The following KIF1B variants were observed in gnomAD, a reference collection of about 807,000 sequenced individuals.
KIF1B encodes the protein kinesin family member 1B, also known as kinesin-like protein KIF1B.
KIF1B carries 76 observed loss-of-function variants against 241.9 expected under a neutral mutation model. The ratio of observed to expected loss-of-function variants is 0.31; its 90% confidence interval spans 0.26 to 0.38. The LOEUF (loss-of-function observed/expected upper bound fraction) is 0.38. Ranked by LOEUF, KIF1B falls within the 10% of genes least tolerant of loss-of-function variation. KIF1B has a pLI of 1.00. For synonymous variants in KIF1B, 750 were observed against 796.7 expected, an observed-to-expected ratio of 0.94 and a Z score of 0.99; for missense variants, 1,622 against 2,271.4, an observed-to-expected ratio of 0.71 and a Z score of 5.81.
At chr1:10,305,481 C>T in intron 22 of KIF1B, 1 of 1,059,404 alleles carries the variant, frequency 9.4e-7, no homozygotes, top group Non-Finnish European at 1.1e-6. Flanking sequence ...ACTTGTGTAG[C>T]TTGTAAGGAG....
intron 41 of KIF1B, 81 bp downstream of exon 41, chr1:10,363,425 C>G (rs1254524377): frequency 8.4e-7 from 1 of 1,191,646 alleles, no homozygotes; most frequent in African/African-American, 1.5e-5. Context: ...GGCACGGTGG[C>G]ACACACCTGT....
Position 10,326,142 on chromosome 1 carries a change from C to T in KIF1B, c.2707C>T (p.Arg903Cys), listed in dbSNP as rs868254486. 2.5e-6 allele frequency: 4 copies of T among 1,613,970 alleles called. No homozygotes were observed. Among genetic ancestry groups the T allele is most frequent in the Non-Finnish European group, 3.4e-6 (4 of 1,180,026 alleles). The change falls in exon 27 of 49, where the codon CGC (arginine) becomes TGC (cysteine). Residue 903 changes from arginine (R) to cysteine (C), a missense_variant. By Grantham distance (180) the Arg-to-Cys change is radical (BLOSUM62 -3). This residue lies in a region of KIF1B where 803 missense variants were observed against 1,112.0 expected (regional missense o/e 0.72). Transcript: ENST00000676179. The surrounding 1 kb of genome is among the most constrained non-coding windows in gnomAD (Gnocchi z 5.2). ...CATTTTCCACGGCTGTGTGAACGAG[C>T]GCCTTGCCGACCGCACACCCTCCCC... is the stretch of plus-strand genomic sequence containing the variant. The part of the protein sequence containing the change: ...SPIFHGCVNE[R>C]LADRTPSPTF...
At chr1:10,284,715 A>G (rs570549768) in intron 15 of KIF1B, among the ~76,000 whole-genome samples, 5 of 151,840 alleles carry the variant, frequency 3.3e-5, no homozygotes, top group African/African-American at 1.2e-4. Flanking sequence ...TAGAAAAATT[A>G]GCCGGCCATG....
chr1:10,349,223 G>A (rs1557729689), intron 37 of KIF1B, among the ~76,000 whole-genome samples: 1 of 152,086 alleles, frequency 6.6e-6, no homozygotes, highest in African/African-American at 2.4e-5. Context: ...TGGATTACTT[G>A]AGCCCAGGGG....
chr1:10,253,048 C>T (rs1647556850), intron 2 of KIF1B, among the ~76,000 whole-genome samples: 1 of 152,082 alleles, frequency 6.6e-6, no homozygotes, highest in African/African-American at 2.4e-5. Context: ...TTAAACAATG[C>T]CTACAGTGTG....
chr1:10,295,392 A>G (rs1650211169), intron 18 of KIF1B, among the ~76,000 whole-genome samples: 1 of 152,096 alleles, frequency 6.6e-6, no homozygotes, highest in Admixed American at 6.5e-5. Flanking sequence ...TCCTTTAACA[A>G]ATATACATTC....
At chr1:10,322,164 A>G (rs1363408013) in intron 24 of KIF1B, among the ~76,000 whole-genome samples, 1 of 152,114 alleles carries the variant, frequency 6.6e-6, no homozygotes, top group Non-Finnish European at 1.5e-5. Context: ...AATAATTTTA[A>G]TTTTCTTCCA....
At chr1:10,354,733 A>T (rs1652915287) in intron 38 of KIF1B, among the ~76,000 whole-genome samples, 1 of 152,232 alleles carries the variant, frequency 6.6e-6, no homozygotes, top group South Asian at 2.1e-4. Context: ...CTTCGGAGCG[A>T]AGTGTCTGGG....
At position 10,261,940 on chromosome 1, in the gene KIF1B, C is replaced by A; in HGVS notation, c.399C>A (p.Asn133Lys). Residue 133 changes from asparagine (N) to lysine (K), a missense_variant, in exon 5 of 49, where the codon AAC becomes AAA. By Grantham distance (94) the Asn-to-Lys change is moderately conservative. Coordinates refer to ENST00000676179, the MANE Select transcript of KIF1B (RefSeq NM_001365951.3). Reference protein sequence around the residue: ...CEELFEKINDNCNEEMSYSVE... With the variant: ...CEELFEKINDKCNEEMSYSVE... ...AACTTTTTGAGAAAATCAATGACAA[C>A]TGTAATGAAGAAATGTCTTACTCTG... The A allele has an allele frequency of 6.2e-7, 1 of 1,612,132 alleles. No homozygotes were observed.
At chr1:10,251,694 A>G (rs1393941064) in intron 2 of KIF1B, among the ~76,000 whole-genome samples, 1 of 151,430 alleles carries the variant, frequency 6.6e-6, no homozygotes, top group Admixed American at 6.6e-5. Context: ...AGATCCTACC[A>G]TTGCACTCCA....
At chr1:10,283,964 GA>G (rs1649560896) in intron 15 of KIF1B, among the ~76,000 whole-genome samples, 1 of 152,238 alleles carries the variant, frequency 6.6e-6, no homozygotes, top group African/African-American at 2.4e-5. Context: ...GAATATGTCA[GA>G]TGCTTTCATT....
At chr1:10,341,981 A>T in intron 32 of KIF1B, 69 bp from the exon 33 acceptor site, 1 of 1,046,996 alleles carries the variant, frequency 9.6e-7, no homozygotes, top group Non-Finnish European at 1.5e-6. Flanking sequence ...CAAAATACGT[A>T]CTAAAGTTCT....
intron 4 of KIF1B, 34 bp from the exon 5 acceptor site, chr1:10,261,871 T>C: frequency 7.0e-6 from 10 of 1,425,086 alleles, no homozygotes; most frequent in Non-Finnish European, 9.9e-6. Flanking sequence ...CTCTCATTTG[T>C]GCTCTTCATG....
At chr1:10,351,557 T>C (rs925605911) in intron 37 of KIF1B, among the ~76,000 whole-genome samples, 1 of 152,180 alleles carries the variant, frequency 6.6e-6, no homozygotes, top group East Asian at 1.9e-4. Flanking sequence ...TGGTAGGAGT[T>C]GGAACCCAGG....
intron 14 of KIF1B, among the ~76,000 whole-genome samples, chr1:10,280,490 T>A (rs1649356978): frequency 6.6e-6 from 1 of 152,146 alleles, no homozygotes; most frequent in African/African-American, 2.4e-5. Context: ...TGCCTTGGCC[T>A]CCCAAAGTGC....
chr1:10,347,311 T>C (rs1652624476), intron 35 of KIF1B, among the ~76,000 whole-genome samples: 1 of 152,238 alleles, frequency 6.6e-6, no homozygotes, highest in South Asian at 2.1e-4. Flanking sequence ...ATGTAGTTGT[T>C]AGTAGTGACA....
chr1:10,264,928 T>C (rs1648365986), intron 5 of KIF1B, among the ~76,000 whole-genome samples: 1 of 152,194 alleles, frequency 6.6e-6, no homozygotes. Flanking sequence ...CCCAAAGGGC[T>C]GGGATTATAG....
chr1:10,282,583 G>A (rs1456971254), intron 15 of KIF1B, 50 bp downstream of exon 15: 2 of 1,418,914 alleles, frequency 1.4e-6, no homozygotes, highest in Non-Finnish European at 2.0e-6. Context: ...AGCTCCACAA[G>A]GAAGAACTAG....
Position 10,337,639 on chromosome 1 carries a change from C to CA in KIF1B, c.3422+109dup. 8.1e-7 allele frequency: 1 copy of CA among 1,240,014 alleles called. No individual in the cohort carries two copies. The highest frequency in any genetic ancestry group is 1.5e-5 in the African/African-American group (1 of 67,400). 76.8% of individuals were successfully genotyped at this position (1,240,014 alleles called of 1,614,324 possible). On this transcript the variant is annotated intron_variant, in intron 31 of 48. Coordinates refer to ENST00000676179, the MANE Select transcript of KIF1B (RefSeq NM_001365951.3). This position sits in a 1 kb window ranked among gnomAD's most constrained non-coding sequence, Gnocchi z 4.0. ...GTGTGAGGGATTAACACTCTTGAGA[C>CA]AAAGACTGATCAGTCTCTGAAGGAA...
Sources: allele counts gnomAD v4.1 joint callset (sites outside exome capture counted in the v4.1 genomes callset), GRCh38; gene constraint gnomAD v4.1.1; regional missense constraint gnomAD v4.1.1; non-coding constraint Gnocchi (gnomAD v3.1); transcripts MANE v1.5; gene names NCBI Gene and HGNC (gene_info 2026-07-23, HGNC 2026-07-21).